Variants in LYPD3 observed in about 807,000 individuals in gnomAD.
LYPD3 encodes ly6/PLAUR domain-containing protein 3.
Under a neutral mutation model 21.7 loss-of-function variants are expected in LYPD3, and 22 were observed. The observed-to-expected ratio is 1.01, with a 90% CI of 0.72 to 1.45. The LOEUF (loss-of-function observed/expected upper bound fraction) is 1.45, where lower values mean the gene tolerates loss of function less well. Among genes scored for constraint, LYPD3 ranks in the 40% most tolerant of loss-of-function variants. LYPD3 has a pLI of 0.00. For synonymous variants in LYPD3, 179 were observed against 203.0 expected (o/e 0.88, Z 1.00); for missense variants, 471 against 466.9 (o/e 1.01, Z -0.08).
Position 43,461,447 on chromosome 19 carries a change from T to A in LYPD3, c.945A>T (p.Lys315Asn). The A allele has an allele frequency of 1.2e-6, 2 of 1,614,142 alleles. No homozygotes were observed. The highest frequency in any genetic ancestry group is 1.7e-6 in the Non-Finnish European group (2 of 1,180,004). Residue 315 changes from lysine (K) to asparagine (N), a missense_variant, in exon 5 of 5, where the codon AAA becomes AAT. Transcript: ENST00000244333. The stretch of plus-strand genomic sequence containing the variant: ...TATTATGGGGCTGCTGGGGCCCCCC[T>A]TTTGCAGGATACTGCCCTGAATTGC... ...DRSNSGQYPA[K>N]GGPQQPHNKG...
intron 1 of LYPD3, among the ~76,000 whole-genome samples, chr19:43,464,934 C>CTTTTTTTTTTTT (rs34393417): frequency 3.2e-5 from 2 of 62,816 alleles, no homozygotes; most frequent in Admixed American, 1.9e-4. Flanking sequence ...TTCTTTTTTT[C>CTTTTTTTTTTTT]TTTTTTTTTT....
chr19:43,461,939 G>A, intron 4 of LYPD3, 92 bp from the exon 5 acceptor site: 1 of 1,417,124 alleles, frequency 7.1e-7, no homozygotes, highest in Non-Finnish European at 9.6e-7. Context: ...CAAGAACAGA[G>A]AACCTGACCG....
Position 43,461,825 on chromosome 19 carries a change from A to G in LYPD3, c.567T>C (p.Pro189=), listed in dbSNP as rs1397225675. ...ATTCATCCTGGACACAGCCCCGGAC[A>G]GGCAAGGACACAGTCACATTAGCTG... ...LTAANVTVSL[P]VRGCVQDEFC... Residue 189 remains proline (P), a synonymous_variant, in exon 5 of 5, where the codon CCT becomes CCC. Transcript: ENST00000244333. 6 of 1,609,260 alleles carry G rather than the reference A, an allele frequency of 3.7e-6. No homozygotes were observed. The highest frequency in any genetic ancestry group is 1.3e-5 in the African/African-American group (1 of 74,832).
Position 43,461,261 on chromosome 19 carries a change from C to A in LYPD3, c.*90G>T. The A allele has an allele frequency of 7.0e-7, 1 of 1,418,792 alleles. No homozygotes were observed. Among genetic ancestry groups the A allele is most frequent in the South Asian group, 1.5e-5 (1 of 68,050 alleles). The allele number at this position is 1,418,792 out of a possible 1,614,324, so 87.9% of individuals were successfully genotyped here. On this transcript the variant is annotated 3_prime_UTR_variant, in exon 5 of 5. Transcript: ENST00000244333. ...TTGGAAAAACAGGGGCTGGGCCAGC[C>A]CAGTCCAGTGGTGGGAACAGGAAGT...
At position 43,463,160 on chromosome 19, in the gene LYPD3, C is replaced by G; in HGVS notation, c.510G>C (p.Lys170Asn). 6.2e-7 allele frequency: 1 copy of G among 1,612,362 alleles called. No homozygotes were observed. ...AGGTGACGTTGCCGTCGAAGCAGCC[C>G]TTGTAGACATGATCGCTGGCGTTGT... ...SCYNASDHVY[K>N]GCFDGNVTLT... Residue 170 changes from lysine to asparagine, a missense_variant, in exon 4 of 5, where the codon AAG becomes AAC. Physicochemically the swap from Lys to Asn is moderately conservative, Grantham distance 94 (BLOSUM62 0). Coordinates refer to ENST00000244333, the MANE Select transcript of LYPD3 (RefSeq NM_014400.3).
rs138680840 is a variant in LYPD3 at position 43,461,799 on chromosome 19, A to G, written c.593T>C (p.Phe198Ser). ...GCCTGTTACTCCATCCCGAGTGCAG[A>G]ATTCATCCTGGACACAGCCCCGGAC... ...LPVRGCVQDE[F>S]CTRDGVTGPG... Residue 198 changes from phenylalanine to serine, a missense_variant, in exon 5 of 5, where the codon TTC (phenylalanine) becomes TCC (serine). Phe to Ser is a radical substitution (Grantham distance 155, BLOSUM62 -2). Coordinates refer to ENST00000244333, the MANE Select transcript of LYPD3 (RefSeq NM_014400.3). The G allele has an allele frequency of 1.2e-6, 2 of 1,614,048 alleles. No individual in the cohort carries two copies. Among genetic ancestry groups the G allele is most frequent in the Non-Finnish European group, 1.7e-6 (2 of 1,179,940 alleles).
rs777498934 is a variant in LYPD3, at chr19:43,463,669, C to G, written c.312G>C (p.Gln104His). The G allele has an allele frequency of 3.1e-6, 5 of 1,610,302 alleles. No individual in the cohort carries two copies. In the South Asian group the frequency reaches 4.4e-5, roughly 14 times the overall value. The change falls in exon 3 of 5, where the codon CAG becomes CAC. Residue 104 changes from glutamine (Q) to histidine (H), a missense_variant. Coordinates refer to ENST00000244333, the MANE Select transcript of LYPD3 (RefSeq NM_014400.3). ...LDLHGLLAFIQLQQCAQDRCN... is the reference protein window; with the variant it reads ...LDLHGLLAFIHLQQCAQDRCN... ...AGCGATCCTGAGCGCATTGCTGCAG[C>G]TGGATGAACGCCAGAAGCCCGTGAA... is the stretch of plus-strand genomic sequence containing the variant.
chr19:43,464,761 T>C (rs184599631), intron 1 of LYPD3, among the ~76,000 whole-genome samples: 2 of 152,240 alleles, frequency 1.3e-5, no homozygotes, highest in Non-Finnish European at 2.9e-5. Context: ...CCTCACGGTT[T>C]TCTGCTCAGA....
chr19:43,464,671 C>T (rs551191176), intron 1 of LYPD3, among the ~76,000 whole-genome samples: 2 of 152,212 alleles, frequency 1.3e-5, no homozygotes, highest in Non-Finnish European at 2.9e-5. Flanking sequence ...ACTGTGGGCA[C>T]ATCCTTCCGA....
chr19:43,463,741 C>T lies in LYPD3; in HGVS notation c.240G>A (p.Arg80=). ...TIHGQFSLAV[R]GCGSGLPGKN... is the part of the protein sequence containing the mutation. ...TGCCGGGGAGTCCCGAACCGCAACC[C>T]CGCACTGCCAGCGAGAATTGTCCGT... Residue 80 remains arginine, a synonymous_variant, in exon 3 of 5, where the codon CGG becomes CGA. Coordinates refer to ENST00000244333, the MANE Select transcript of LYPD3 (RefSeq NM_014400.3). 1 of 1,613,422 alleles carries T rather than the reference C, an allele frequency of 6.2e-7. No homozygotes were observed.
chr19:43,464,181 G>T, intron 2 of LYPD3, 144 bp downstream of exon 2: 1 of 1,098,378 alleles, frequency 9.1e-7, no homozygotes, highest in Non-Finnish European at 1.3e-6. Flanking sequence ...CTGCAAGGCT[G>T]TGTCGTAGGG....
At chr19:43,464,925 TC>T (rs1970808767) in intron 1 of LYPD3, among the ~76,000 whole-genome samples, 4 of 97,118 alleles carry the variant, frequency 4.1e-5, no homozygotes, top group South Asian at 3.3e-4. Flanking sequence ...TTTCTTTTTT[TC>T]TTTTTTTCTT....
chr19:43,464,336 G>T lies in LYPD3; in HGVS notation c.200C>A (p.Ala67Glu), dbSNP rs760902305. The stretch of plus-strand genomic sequence containing the variant: ...GGGTCCCCACTCACTGGTCTCCACC[G>T]CCCCCACGGCCTCGGTGCAGACGTC... ...GVDVCTEAVG[A>E]VETIHGQFSL... Residue 67 changes from alanine (A) to glutamate (E), a missense_variant, in exon 2 of 5, where the codon GCG (alanine) becomes GAG (glutamate). Transcript: ENST00000244333. 1.2e-6 allele frequency: 2 copies of T among 1,609,038 alleles called. No individual in the cohort carries two copies. Among genetic ancestry groups the T allele is most frequent in the Admixed American group, 3.4e-5 (2 of 59,184 alleles).
In LYPD3 at chr19:43,463,184, G is replaced by A. The variant is rs760638425; in HGVS notation, c.486C>T (p.Tyr162=). ...QGTSPPVVSC[Y]NASDHVYKGC... is the part of the protein sequence containing the mutation. ...CCTTGTAGACATGATCGCTGGCGTT[G>A]TAGCAGCTCACGACCGGCGGCGATG... Residue 162 remains tyrosine (Y), a synonymous_variant, in exon 4 of 5, where the codon TAC becomes TAT. Coordinates refer to ENST00000244333, the MANE Select transcript of LYPD3 (RefSeq NM_014400.3). 1 of 1,611,712 alleles carries A rather than the reference G, an allele frequency of 6.2e-7. No homozygotes were observed. The highest frequency in any genetic ancestry group is 1.3e-5 in the African/African-American group (1 of 74,952).
In LYPD3 at chr19:43,463,228, G is replaced by A. The variant is rs769104790; in HGVS notation, c.442C>T (p.Arg148Trp). 3 of 1,608,316 alleles carry A rather than the reference G, an allele frequency of 1.9e-6. No homozygotes were observed. The highest frequency in any genetic ancestry group is 2.5e-6 in the Non-Finnish European group (3 of 1,179,992). ...GGCGATGTACCCTGGCACGCCTCCC[G>A]GCTCAGGCCCACACAGCTGTAGCAC... is the stretch of plus-strand genomic sequence containing the variant. ...VECYSCVGLSREACQGTSPPV... is the reference protein window; with the variant it reads ...VECYSCVGLSWEACQGTSPPV... The change falls in exon 4 of 5, where the codon CGG becomes TGG. Residue 148 changes from arginine (R) to tryptophan (W), a missense_variant. Arg to Trp is a moderately radical substitution (Grantham distance 101, BLOSUM62 -3). Coordinates refer to ENST00000244333, the MANE Select transcript of LYPD3 (RefSeq NM_014400.3).
At position 43,464,926 on chromosome 19, in the gene LYPD3, C is replaced by CTTTTTTTTTTT. The variant is rs768875729; in HGVS notation, c.80-471_80-470insAAAAAAAAAAA. Among the ~76,000 whole-genome samples the CTTTTTTTTTTT allele has an allele frequency of 1.7e-3, 163 of 97,214 alleles. 3 individuals carry two copies. The highest frequency in any genetic ancestry group is 3.2e-3 in the African/African-American group (73 of 22,568). The allele number at this position is 97,214 out of a possible 152,430, so 63.8% of individuals were successfully genotyped here. On this transcript the variant is annotated intron_variant, in intron 1 of 4. Coordinates refer to ENST00000244333, the MANE Select transcript of LYPD3 (RefSeq NM_014400.3). ...ACAGGGAACACTTTTTTCTTTTTTT[C>CTTTTTTTTTTT]TTTTTTTCTTTTTTTTTTTTTTGAG...
intron 4 of LYPD3, 121 bp from the exon 5 acceptor site, chr19:43,461,968 T>C (rs1483506250): frequency 9.7e-7 from 1 of 1,027,672 alleles, no homozygotes; most frequent in Admixed American, 2.6e-5. Context: ...GGCTCACGCC[T>C]GTAATCCCAG....
In LYPD3 at chr19:43,465,597, C is replaced by G. The variant is rs779672379; in HGVS notation, c.-26G>C. ...GGCTCCGTCCTGCTCCCTTGGCGTCCCCCCTGGATGTGCCGCCTCCGAGCT... is the reference window on the plus strand; with the variant it reads ...GGCTCCGTCCTGCTCCCTTGGCGTCGCCCCTGGATGTGCCGCCTCCGAGCT... On this transcript the variant is annotated 5_prime_UTR_variant, in exon 1 of 5. Transcript: ENST00000244333. 3.1e-6 allele frequency: 5 copies of G among 1,603,440 alleles called. No individual in the cohort carries two copies. In the South Asian group the frequency reaches 3.3e-5, roughly 11 times the overall value.
chr19:43,464,928 TTTTTTC>T (rs1970809163), intron 1 of LYPD3, among the ~76,000 whole-genome samples: 2 of 77,758 alleles, frequency 2.6e-5, no homozygotes, highest in South Asian at 4.0e-4. Context: ...CTTTTTTTCT[TTTTTTC>T]TTTTTTTTTT....
Sources: gnomAD v4.1 joint callset for allele counts (sites outside exome capture counted in the v4.1 genomes callset) on GRCh38, gnomAD v4.1.1 for gene constraint, MANE v1.5 for transcripts, NCBI Gene and HGNC (gene_info 2026-07-23, HGNC 2026-07-21) for gene names.